The following TMEM117 variants were observed in gnomAD, a reference collection of about 807,000 sequenced individuals.
The protein encoded by TMEM117 is transmembrane protein 117.
Under a neutral mutation model 52.4 loss-of-function variants are expected in TMEM117, and 27 were observed. The ratio of observed to expected loss-of-function variants is 0.51; its 90% CI spans 0.38 to 0.71. The LOEUF is 0.71. Ranked by LOEUF, TMEM117 falls within the 30% of genes least tolerant of loss-of-function variation. The pLI is 0.00. For synonymous variants in TMEM117, 215 were observed against 206.3 expected (o/e 1.04, Z -0.36); for missense variants, 556 against 630.5 (o/e 0.88, Z 1.26).
intron 2 of TMEM117, among the ~76,000 whole-genome samples, chr12:43,918,008 G>A (rs780638949): frequency 5.3e-5 from 8 of 152,104 alleles, no homozygotes; most frequent in Non-Finnish European, 8.8e-5. Context: ...CTATTATCTG[G>A]TAGATAGGGA....
At chr12:44,387,865 A>T (rs1018739757) in intron 7 of TMEM117, among the ~76,000 whole-genome samples, 161 bp from the exon 8 acceptor site, 1 of 152,074 alleles carries the variant, frequency 6.6e-6, no homozygotes, top group Non-Finnish European at 1.5e-5. Context: ...CCCTTTGCCA[A>T]TTCACTTAAT....
intron 5 of TMEM117, among the ~76,000 whole-genome samples, chr12:44,214,029 T>G (rs139796695): frequency 9.9e-4 from 151 of 152,262 alleles, no homozygotes; most frequent in African/African-American, 2.8e-3. Flanking sequence ...TTAGCTGTTC[T>G]TAATCATGAT....
chr12:44,376,475 C>A, intron 6 of TMEM117, 120 bp from the exon 7 acceptor site: 1 of 1,191,540 alleles, frequency 8.4e-7, no homozygotes, highest in Non-Finnish European at 1.2e-6. Flanking sequence ...CTGATATATC[C>A]AACAGCTGGC....
intron 3 of TMEM117, among the ~76,000 whole-genome samples, chr12:44,044,754 A>G (rs1300170576): frequency 1.3e-5 from 2 of 152,236 alleles, no homozygotes; most frequent in African/African-American, 2.4e-5. Context: ...GCCCCTTTCT[A>G]GGACGTCCCT....
In TMEM117 at chr12:44,219,954, ATAATGAT is replaced by A. The variant is rs201034308; in HGVS notation, c.608+8571_608+8577del. Among the ~76,000 whole-genome samples, 288 of 152,306 alleles carry A rather than the reference ATAATGAT, an allele frequency of 1.9e-3. 6 individuals are homozygous for A. In the East Asian group the frequency reaches 0.034, roughly 18 times the overall value. On this transcript the variant is annotated intron_variant, in intron 5 of 7. Coordinates refer to ENST00000266534, the MANE Select transcript of TMEM117 (RefSeq NM_032256.3). ...TTCAGACAAACATGAAGTCTTCAGT[ATAATGAT>A]TAAAACAACTCAAAGTAACATCCTA... is the stretch of plus-strand genomic sequence containing the variant.
rs185069412 is a variant in TMEM117, at chr12:44,002,511, T to A, written c.410+58169T>A. Among the ~76,000 whole-genome samples, 367 of 152,280 alleles carry A rather than the reference T, an allele frequency of 2.4e-3. 4 individuals are homozygous for A. The highest frequency in any genetic ancestry group is 8.1e-3 in the African/African-American group (337 of 41,572). Reference sequence around the variant, plus strand: ...AGCCTGAGGAGGGACAAGGGAAATCTTTCTAGGCATTGCCTAGCTCTTCCT... The same window carrying A: ...AGCCTGAGGAGGGACAAGGGAAATCATTCTAGGCATTGCCTAGCTCTTCCT... On this transcript the variant is annotated intron_variant, in intron 3 of 7. Coordinates refer to ENST00000266534, the MANE Select transcript of TMEM117 (RefSeq NM_032256.3).
At chr12:44,224,528 TCTCCTCCTTCTCTTCCTCCTCCTC>T (rs1478265379) in intron 5 of TMEM117, among the ~76,000 whole-genome samples, 2 of 151,856 alleles carry the variant, frequency 1.3e-5, no homozygotes, top group Non-Finnish European at 2.9e-5. Context: ...TTCTCCTCCT[TCTCCTCCTTCTCTTCCTCCTCCTC>T]CTCCTCCTTC....
intron 2 of TMEM117, among the ~76,000 whole-genome samples, chr12:43,849,686 C>T (rs1406917713): frequency 6.6e-6 from 1 of 151,572 alleles, no homozygotes; most frequent in East Asian, 1.9e-4. Context: ...TTTATTTCTT[C>T]TATTTGGCAG....
At chr12:43,995,012 C>T (rs1253730730) in intron 3 of TMEM117, among the ~76,000 whole-genome samples, 1 of 152,104 alleles carries the variant, frequency 6.6e-6, no homozygotes, top group Non-Finnish European at 1.5e-5. Context: ...TGTGGTGGCT[C>T]ATGCTTGTAA....
chr12:44,240,551 T>C (rs1289664387), intron 5 of TMEM117, among the ~76,000 whole-genome samples: 1 of 152,098 alleles, frequency 6.6e-6, no homozygotes, highest in Non-Finnish European at 1.5e-5. Flanking sequence ...CCAGAAACTG[T>C]GGCTAATTTC....
At position 44,169,702 on chromosome 12, in the gene TMEM117, C is replaced by A. The variant is rs576083555; in HGVS notation, c.510+26078C>A. On this transcript the variant is annotated intron_variant, in intron 4 of 7. Transcript: ENST00000266534. ...CACAAAAGTTTCTAACTTTGAAATT[C>A]AATTTATTTTTTGTTTTATTGCATG... Among the ~76,000 whole-genome samples the A allele has an allele frequency of 1.4e-3, 214 of 152,172 alleles. 4 individuals carry two copies. Among genetic ancestry groups the A allele is most frequent in the African/African-American group, 5.1e-3 (211 of 41,528 alleles).
At chr12:44,115,422 C>T (rs944824275) in intron 3 of TMEM117, among the ~76,000 whole-genome samples, 3 of 152,076 alleles carry the variant, frequency 2.0e-5, no homozygotes, top group African/African-American at 7.2e-5. Flanking sequence ...CAAACCTGCA[C>T]GTTATACACA....
intron 3 of TMEM117, among the ~76,000 whole-genome samples, chr12:44,142,240 A>G (rs565558168): frequency 6.6e-6 from 1 of 152,278 alleles, no homozygotes; most frequent in South Asian, 2.1e-4. Context: ...ATAAGCATGC[A>G]ATTTATGGTA....
At chr12:44,136,515 C>T (rs1251251307) in intron 3 of TMEM117, among the ~76,000 whole-genome samples, 3 of 151,946 alleles carry the variant, frequency 2.0e-5, no homozygotes, top group African/African-American at 7.2e-5. Context: ...AGACACACAA[C>T]AAATGTAGTT....
chr12:43,840,720 A>G (rs1943103947), intron 1 of TMEM117, among the ~76,000 whole-genome samples: 1 of 152,212 alleles, frequency 6.6e-6, no homozygotes, highest in Admixed American at 6.5e-5. Context: ...GGAGACAAAC[A>G]CATACATAGA....
At chr12:44,193,694 G>T (rs1255888882) in intron 4 of TMEM117, among the ~76,000 whole-genome samples, 1 of 152,178 alleles carries the variant, frequency 6.6e-6, no homozygotes, top group Admixed American at 6.5e-5. Flanking sequence ...TATCCCCTGA[G>T]AATTCATAAT....
intron 3 of TMEM117, among the ~76,000 whole-genome samples, chr12:43,984,587 G>A (rs184882353): frequency 1.8e-4 from 28 of 152,210 alleles, no homozygotes; most frequent in African/African-American, 6.7e-4. Context: ...CATAGGGAGA[G>A]ATTTGAATTC....
chr12:44,159,020 T>A (rs1207041259), intron 4 of TMEM117, among the ~76,000 whole-genome samples: 1 of 152,140 alleles, frequency 6.6e-6, no homozygotes, highest in Non-Finnish European at 1.5e-5. Flanking sequence ...GCATGTTTGA[T>A]GTTTAGTGCT....
intron 7 of TMEM117, among the ~76,000 whole-genome samples, chr12:44,378,741 C>A (rs889721067): frequency 1.3e-5 from 2 of 152,136 alleles, no homozygotes; most frequent in African/African-American, 4.8e-5. Context: ...CATCAGGGAA[C>A]TTTATAAATA....
Sources: gnomAD v4.1 joint callset for allele counts (sites outside exome capture counted in the v4.1 genomes callset) on GRCh38, gnomAD v4.1.1 for gene constraint, MANE v1.5 for transcripts, NCBI Gene and HGNC (gene_info 2026-07-23, HGNC 2026-07-21) for gene names.